Variants in GRIK1 observed in about 807,000 individuals in gnomAD.
GRIK1 encodes the protein glutamate ionotropic receptor kainate type subunit 1.
Under a neutral mutation model 105.7 loss-of-function variants are expected in GRIK1, and 69 were observed. The observed-to-expected ratio is 0.65, with a 90% CI of 0.54 to 0.80. The LOEUF (loss-of-function observed/expected upper bound fraction) is 0.80. GRIK1 is among the 30% of genes least tolerant of loss of function. The pLI is 0.00. For missense variants in GRIK1, 1,109 were observed against 1,167.3 expected (o/e 0.95, Z 0.73); for synonymous variants, 438 against 431.3 (o/e 1.02, Z -0.19).
intron 1 of GRIK1, among the ~76,000 whole-genome samples, chr21:29,712,132 A>G (rs1474637051): frequency 6.6e-6 from 1 of 151,530 alleles, no homozygotes; most frequent in Non-Finnish European, 1.5e-5. Flanking sequence ...ACATATATAT[A>G]GGTCCTGGAA....
intron 3 of GRIK1, among the ~76,000 whole-genome samples, chr21:29,688,837 A>G (rs1424649847): frequency 1.3e-5 from 2 of 152,136 alleles, no homozygotes; most frequent in Admixed American, 1.3e-4. Context: ...GATCATCCAA[A>G]GTGAGGTGCC....
chr21:29,611,416 C>T (rs2061727668), intron 7 of GRIK1, among the ~76,000 whole-genome samples: 1 of 152,086 alleles, frequency 6.6e-6, no homozygotes, highest in Non-Finnish European at 1.5e-5. Context: ...TTCTGTGATT[C>T]TTTTTTGAAC....
At chr21:29,799,496 TTTTG>T (rs71335096) in intron 1 of GRIK1, among the ~76,000 whole-genome samples, 62,386 of 151,510 alleles carry the variant, frequency 0.41, 14,254 homozygotes, top group South Asian at 0.55. Flanking sequence ...GCCCAGGTGT[TTTTG>T]TTTGTTTGTT....
intron 1 of GRIK1, among the ~76,000 whole-genome samples, chr21:29,823,397 T>C (rs976582926): frequency 2.0e-5 from 3 of 151,920 alleles, no homozygotes; most frequent in Admixed American, 6.6e-5. Context: ...AACAAATTTA[T>C]TTACAAATCA....
intron 14 of GRIK1, among the ~76,000 whole-genome samples, chr21:29,576,219 T>C (rs1443819849): frequency 6.6e-6 from 1 of 152,174 alleles, no homozygotes; most frequent in Admixed American, 6.5e-5. Context: ...ATTAGAGTAT[T>C]TGAGATTTGA....
In GRIK1 at chr21:29,939,561, C is replaced by T; in HGVS notation, c.-61G>A. On this transcript the variant is annotated 5_prime_UTR_variant, in exon 1 of 18. The change creates a premature stop within an existing upstream ORF in the 5' untranslated region. Transcript: ENST00000327783. ...GCTGCCGGACGCCCGAGAGATGCAC[C>T]CAACTTGGGCCGGGTCCCCGCCTCA... 9.7e-7 allele frequency: 1 copy of T among 1,032,978 alleles called. No individual in the cohort carries two copies. Among genetic ancestry groups the T allele is most frequent in the Non-Finnish European group, 1.4e-6 (1 of 707,398 alleles). The allele number at this position is 1,032,978 out of a possible 1,614,324, so 64.0% of individuals were successfully genotyped here.
intron 1 of GRIK1, chr21:29,748,832 A>G (rs2065110227): frequency 6.6e-6 from 1 of 152,252 alleles, no homozygotes; most frequent in African/African-American, 2.4e-5. Context: ...TTTTTGTGAC[A>G]GCTACCTGGA....
chr21:29,707,900 C>T (rs1436820330), intron 1 of GRIK1, among the ~76,000 whole-genome samples: 2 of 152,110 alleles, frequency 1.3e-5, no homozygotes, highest in South Asian at 2.1e-4. Context: ...TTTCTTAATC[C>T]ACCCCACTTT....
At chr21:29,640,839 T>C (rs363598) in intron 7 of GRIK1, among the ~76,000 whole-genome samples, 39,270 of 151,608 alleles carry the variant, frequency 0.26, 5,130 homozygotes, top group African/African-American at 0.28. Context: ...GAAAAGGAGG[T>C]GGTGTGATGT....
intron 1 of GRIK1, among the ~76,000 whole-genome samples, chr21:29,921,547 G>A (rs1188598506): frequency 2.0e-5 from 3 of 152,100 alleles, no homozygotes; most frequent in Non-Finnish European, 4.4e-5. Flanking sequence ...ATTTCACTCA[G>A]GTTCCCTTCG....
Position 29,673,037 on chromosome 21 carries a change from C to G in GRIK1, c.672G>C (p.Glu224Asp). Reference protein sequence around the residue: ...PLLKEMKKGKEFYVIFDCSHE... With the variant: ...PLLKEMKKGKDFYVIFDCSHE... ...GTGAACAATCAAATATCACATAGAA[C>G]TCCTTGCCTTTCTTCATCTCCTTGA... Residue 224 changes from glutamate (E) to aspartate (D), a missense_variant, in exon 4 of 18, where the codon GAG becomes GAC. This residue lies in a region of GRIK1 where 612 missense variants were observed against 586.0 expected (regional missense o/e 1.04). Coordinates refer to ENST00000327783, the MANE Select transcript of GRIK1 (RefSeq NM_001330994.2). 1 of 1,613,542 alleles carries G rather than the reference C, an allele frequency of 6.2e-7. No homozygotes were observed. The highest frequency in any genetic ancestry group is 8.5e-7 in the Non-Finnish European group (1 of 1,179,528).
At position 29,640,752 on chromosome 21, in the gene GRIK1, A is replaced by G. The variant is rs140896539; in HGVS notation, c.1098+2074T>C. 4.3e-4 allele frequency among the ~76,000 whole-genome samples: 65 copies of G among 152,326 alleles called. No homozygotes were observed. The East Asian group carries it at 0.011, about 25-fold the overall frequency. On this transcript the variant is annotated intron_variant, in intron 7 of 17. Coordinates refer to ENST00000327783, the MANE Select transcript of GRIK1 (RefSeq NM_001330994.2). ...TCTCCTTGAACTTCTAGGAGATAAA[A>G]GAAAACCAGCTGTTTTCTTGTTAAA...
At chr21:29,912,040 C>A (rs944908701) in intron 1 of GRIK1, among the ~76,000 whole-genome samples, 1 of 152,000 alleles carries the variant, frequency 6.6e-6, no homozygotes, top group African/African-American at 2.4e-5. Context: ...CACATACACA[C>A]AAACACACAT....
At chr21:29,808,049 T>A (rs938941564) in intron 1 of GRIK1, among the ~76,000 whole-genome samples, 1 of 152,156 alleles carries the variant, frequency 6.6e-6, no homozygotes, top group Non-Finnish European at 1.5e-5. Flanking sequence ...GATTGGCCTA[T>A]TCTCCACTGG....
At chr21:29,876,805 A>G (rs2069207892) in intron 1 of GRIK1, among the ~76,000 whole-genome samples, 2 of 152,314 alleles carry the variant, frequency 1.3e-5, no homozygotes, top group Admixed American at 1.3e-4. Flanking sequence ...CTGAATAACT[A>G]AAGTTAGGCA....
chr21:29,540,163 A>G (rs538201440), intron 16 of GRIK1, among the ~76,000 whole-genome samples: 8 of 152,266 alleles, frequency 5.3e-5, no homozygotes, highest in Non-Finnish European at 1.2e-4. Context: ...GTGGTCATAG[A>G]TATTACCTGA....
intron 4 of GRIK1, among the ~76,000 whole-genome samples, chr21:29,671,603 A>C (rs988186010): frequency 1.3e-5 from 2 of 152,130 alleles, no homozygotes; most frequent in Admixed American, 1.3e-4. Flanking sequence ...CTAGTGATTC[A>C]AAATTCCACA....
chr21:29,556,421 A>C (rs1485882814), intron 15 of GRIK1, among the ~76,000 whole-genome samples: 1 of 152,182 alleles, frequency 6.6e-6, no homozygotes, highest in Non-Finnish European at 1.5e-5. Context: ...GAAGAAATGA[A>C]GTCTCCATTT....
intron 7 of GRIK1, among the ~76,000 whole-genome samples, chr21:29,636,881 C>T (rs1483570818): frequency 6.6e-6 from 1 of 152,126 alleles, no homozygotes; most frequent in Non-Finnish European, 1.5e-5. Flanking sequence ...TAGCAGACAA[C>T]TTCCAATTGT....
Sources: gnomAD v4.1 joint callset for allele counts (sites outside exome capture counted in the v4.1 genomes callset) on GRCh38, gnomAD v4.1.1 for gene constraint, gnomAD v4.1.1 regional missense constraint, MANE v1.5 for transcripts, NCBI Gene and HGNC (gene_info 2026-07-23, HGNC 2026-07-21) for gene names.